GRB2: variants seen among roughly 807,000 people sequenced by gnomAD.
GRB2 encodes growth factor receptor-bound protein 2.
GRB2 carries 2 observed loss-of-function variants against 27.4 expected under a neutral mutation model. The observed-to-expected ratio is 0.07, with a 90% CI of 0.03 to 0.23. GRB2 has a LOEUF of 0.23. Among genes scored for constraint, GRB2 ranks in the 10% least tolerant of loss-of-function variants. GRB2 has a pLI of 1.00. For synonymous variants in GRB2, 94 were observed against 99.6 expected, an observed-to-expected ratio of 0.94 and a Z score of 0.33; for missense variants, 102 against 282.4, an observed-to-expected ratio of 0.36 and a Z score of 4.58.
intron 2 of GRB2, among the ~76,000 whole-genome samples, chr17:75,359,631 G>A (rs1190001773): frequency 6.6e-6 from 1 of 152,042 alleles, no homozygotes; most frequent in Non-Finnish European, 1.5e-5. Context: ...GCCAGTCCCT[G>A]TCATCTCCTG....
chr17:75,354,052 A>G (rs1405936532), intron 2 of GRB2, among the ~76,000 whole-genome samples: 1 of 152,024 alleles, frequency 6.6e-6, no homozygotes, highest in African/African-American at 2.4e-5. Context: ...AAAAAAAACA[A>G]AAACGAAAGG....
chr17:75,367,472 G>T (rs982268847), intron 2 of GRB2, among the ~76,000 whole-genome samples: 8 of 152,122 alleles, frequency 5.3e-5, no homozygotes, highest in Admixed American at 5.2e-4. Context: ...CCACTGAGCT[G>T]GGCCGTTACC....
At chr17:75,343,406 AG>A (rs2145834703) in intron 2 of GRB2, among the ~76,000 whole-genome samples, 1 of 152,336 alleles carries the variant, frequency 6.6e-6, no homozygotes, top group East Asian at 1.9e-4. Flanking sequence ...TTAAGAGACC[AG>A]GACTATTCAT....
Position 75,337,863 on chromosome 17 carries a change from G to A in GRB2, c.79-5066C>T, listed in dbSNP as rs1362150867. Among the ~76,000 whole-genome samples the A allele has an allele frequency of 3.5e-5, 3 of 84,906 alleles. No homozygotes were observed. The East Asian group carries it at 1.3e-3, about 37-fold the overall frequency. 55.7% of individuals were successfully genotyped at this position (84,906 alleles called of 152,430 possible). A position where few individuals can be genotyped will look rare whatever the true frequency, so the allele number is the denominator to read the frequency against. On this transcript the variant is annotated intron_variant, in intron 2 of 5. Coordinates refer to ENST00000316804, the MANE Select transcript of GRB2 (RefSeq NM_002086.5). ...TTATAGGCGTGAGCCACTGCGCCCG[G>A]CCTACTATTACTACTACTACTACTA...
At chr17:75,394,859 A>C (rs2079020440) in intron 1 of GRB2, 1 of 152,270 alleles carries the variant, frequency 6.6e-6, no homozygotes, top group Non-Finnish European at 1.5e-5. Flanking sequence ...TCAGACGATG[A>C]GGAACTGGCA....
intron 2 of GRB2, among the ~76,000 whole-genome samples, chr17:75,385,293 T>C (rs1167617569): frequency 6.6e-6 from 1 of 151,902 alleles, no homozygotes; most frequent in African/African-American, 2.4e-5. Context: ...TCCCAACACT[T>C]TGGGAGGCTG....
In GRB2 at chr17:75,332,171, T is replaced by C. The variant is rs61764603; in HGVS notation, c.176+529A>G. 9.7e-3 allele frequency among the ~76,000 whole-genome samples: 1,473 copies of C among 152,192 alleles called. 28 individuals are homozygous for C. The highest frequency in any genetic ancestry group is 0.048 in the South Asian group (233 of 4,830). ...ATAAAATCGTGACAAGGGTAGCTTC[T>C]GAAAAAAAATTAAAAATATTCACTG... On this transcript the variant is annotated intron_variant, in intron 3 of 5. Transcript: ENST00000316804.
intron 1 of GRB2, among the ~76,000 whole-genome samples, chr17:75,395,871 T>TAGAG (rs2079026162): frequency 6.6e-6 from 1 of 151,660 alleles, no homozygotes; most frequent in South Asian, 2.1e-4. Flanking sequence ...GAGATAGAGT[T>TAGAG]CTCTAAGATT....
chr17:75,358,640 G>A (rs1367226480), intron 2 of GRB2, among the ~76,000 whole-genome samples: 2 of 148,704 alleles, frequency 1.3e-5, no homozygotes, highest in Non-Finnish European at 1.5e-5. Flanking sequence ...TGAGGCAGGC[G>A]GATCACGAGG....
chr17:75,339,623 C>CTT (rs71159491), intron 2 of GRB2, among the ~76,000 whole-genome samples: 2 of 130,028 alleles, frequency 1.5e-5, no homozygotes, highest in African/African-American at 5.4e-5. Flanking sequence ...TTCTTTCTTT[C>CTT]TTTTTTTTTT....
At chr17:75,375,774 C>T (rs545593914) in intron 2 of GRB2, among the ~76,000 whole-genome samples, 44 of 152,172 alleles carry the variant, frequency 2.9e-4, no homozygotes, top group African/African-American at 8.4e-4. Flanking sequence ...GCCTGTAATC[C>T]CAACACTTTG....
chr17:75,325,964 C>T lies in GRB2; in HGVS notation c.233G>A (p.Arg78Gln), dbSNP rs749962653. 2 of 1,614,030 alleles carry T rather than the reference C, an allele frequency of 1.2e-6. No individual in the cohort carries two copies. The highest frequency in any genetic ancestry group is 1.1e-5 in the South Asian group (1 of 91,084). Reference sequence around the variant, plus strand: ...TCGGATAAGAAAGGCCCCATCGTGCCGCTGTTTGCTAAGCATTTCTTCTGC... The same window carrying T: ...TCGGATAAGAAAGGCCCCATCGTGCTGCTGTTTGCTAAGCATTTCTTCTGC... Reference protein sequence around the residue: ...AKAEEMLSKQRHDGAFLIRES... With the variant: ...AKAEEMLSKQQHDGAFLIRES... Residue 78 changes from arginine (R) to glutamine (Q), a missense_variant, in exon 4 of 6, where the codon CGG becomes CAG. By Grantham distance (43) the Arg-to-Gln change is conservative. This residue lies in a region of GRB2 where 45 missense variants were observed against 110.6 expected (regional missense o/e 0.41). Coordinates refer to ENST00000316804, the MANE Select transcript of GRB2 (RefSeq NM_002086.5).
chr17:75,397,669 T>C (rs1161667191), intron 1 of GRB2, among the ~76,000 whole-genome samples: 2 of 152,156 alleles, frequency 1.3e-5, no homozygotes, highest in East Asian at 3.8e-4. Context: ...GCTACAGTTG[T>C]GGGCAAAGTT....
intron 2 of GRB2, among the ~76,000 whole-genome samples, chr17:75,355,816 CTTTTTTTTTT>C (rs1170570570): frequency 2.6e-5 from 3 of 115,698 alleles, no homozygotes; most frequent in East Asian, 4.9e-4. Flanking sequence ...TTCCTTTCTT[CTTTTTTTTTT>C]TTTTTTTTTT....
chr17:75,340,036 G>C (rs1195067600), intron 2 of GRB2, among the ~76,000 whole-genome samples: 1 of 152,062 alleles, frequency 6.6e-6, no homozygotes, highest in African/African-American at 2.4e-5. Flanking sequence ...ATATTTTCTG[G>C]CCTGAACATA....
At chr17:75,398,738 AC>A (rs1391388382) in intron 1 of GRB2, among the ~76,000 whole-genome samples, 1 of 151,974 alleles carries the variant, frequency 6.6e-6, no homozygotes, top group Non-Finnish European at 1.5e-5. Flanking sequence ...TCTATTGACA[AC>A]TTTTATTTAT....
At chr17:75,380,368 T>C (rs2078920509) in intron 2 of GRB2, among the ~76,000 whole-genome samples, 1 of 151,328 alleles carries the variant, frequency 6.6e-6, no homozygotes, top group Admixed American at 6.6e-5. Context: ...AAAACTATTA[T>C]AGAAATGCAC....
At chr17:75,332,558 T>C (rs2078548429) in intron 3 of GRB2, 142 bp downstream of exon 3, 3 of 611,068 alleles carry the variant, frequency 4.9e-6, no homozygotes, top group South Asian at 1.9e-5. Flanking sequence ...ACTATTAACA[T>C]GCACAATCAA....
At chr17:75,367,295 G>A (rs946671601) in intron 2 of GRB2, among the ~76,000 whole-genome samples, 9 of 151,486 alleles carry the variant, frequency 5.9e-5, no homozygotes, top group East Asian at 1.9e-4. Flanking sequence ...CTCAGCCTCT[G>A]GAGTAGTTGA....
Sources: allele counts gnomAD v4.1 joint callset (sites outside exome capture counted in the v4.1 genomes callset), GRCh38; gene constraint gnomAD v4.1.1; regional missense constraint gnomAD v4.1.1; transcripts MANE v1.5; gene names NCBI Gene and HGNC (gene_info 2026-07-23, HGNC 2026-07-21).